The following ZNF782 variants were observed in gnomAD, a reference collection of about 807,000 sequenced individuals.
ZNF782 encodes zinc finger protein 782.
Under a neutral mutation model 13.0 loss-of-function variants are expected in ZNF782, and 12 were observed. The observed-to-expected ratio is 0.92, with a 90% CI of 0.59 to 1.50. The LOEUF (loss-of-function observed/expected upper bound fraction) is 1.50, where lower values mean the gene tolerates loss of function less well. Ranked by LOEUF, ZNF782 falls within the 40% of genes most tolerant of loss-of-function variation. The pLI is 0.00. For missense variants in ZNF782, 770 were observed against 822.9 expected, an observed-to-expected ratio of 0.94 and a Z score of 0.79; for synonymous variants, 284 against 283.0, an observed-to-expected ratio of 1.00 and a Z score of -0.04.
chr9:96,858,103 G>GTAGCTTCACCC (rs1470066838), upstream of ZNF782, among the ~76,000 whole-genome samples: 13 of 152,166 alleles, frequency 8.5e-5, no homozygotes, highest in Non-Finnish European at 1.9e-4. The surrounding 1 kb of genome is among the most constrained non-coding windows in gnomAD (Gnocchi z 4.4). Context: ...CCTCTAGACT[G>GTAGCTTCACCC]TGAAAAATGT....
intron 1 of ZNF782, among the ~76,000 whole-genome samples, chr9:96,873,711 A>G (rs568651047): frequency 6.6e-6 from 1 of 152,220 alleles, no homozygotes; most frequent in Non-Finnish European, 1.5e-5. Context: ...CACACACACA[A>G]AAGAGTAAGT....
upstream of ZNF782, among the ~76,000 whole-genome samples, chr9:96,858,486 C>G (rs1851670002): frequency 6.6e-6 from 1 of 152,158 alleles, no homozygotes; most frequent in South Asian, 2.1e-4. The surrounding 1 kb of genome is among the most constrained non-coding windows in gnomAD (Gnocchi z 4.4). Flanking sequence ...GAAACATGAG[C>G]TTCATGGGGT....
chr9:96,929,075 G>C, the ZNF782 span: 24 of 1,610,926 alleles, frequency 1.5e-5, no homozygotes, highest in East Asian at 5.2e-4. Flanking sequence ...ATCCTAGTCT[G>C]CCTTGCCTCA....
At chr9:96,826,035 C>A (rs1411478767) in intron 5 of ZNF782, among the ~76,000 whole-genome samples, 1 of 152,166 alleles carries the variant, frequency 6.6e-6, no homozygotes, top group Non-Finnish European at 1.5e-5. Flanking sequence ...TTGAGCCAGC[C>A]ATCCCATTAC....
chr9:96,933,195 C>G, the ZNF782 span, among the ~76,000 whole-genome samples: 389 of 148,048 alleles, frequency 2.6e-3, 1 homozygote, highest in East Asian at 8.7e-3. Flanking sequence ...AGCCAGGATG[C>G]TCTCAATCTC....
the ZNF782 span, among the ~76,000 whole-genome samples, chr9:96,886,650 T>C: frequency 1.3e-5 from 2 of 152,032 alleles, no homozygotes; most frequent in African/African-American, 4.8e-5. Flanking sequence ...AGCCTGGGCA[T>C]GGTGGCTCAT....
the ZNF782 span, among the ~76,000 whole-genome samples, chr9:96,905,165 A>G: frequency 1.4e-4 from 19 of 133,318 alleles, no homozygotes; most frequent in Admixed American, 1.2e-3. Flanking sequence ...TCTGAGTCAC[A>G]GGATGAGATA....
chr9:96,822,386 T>G lies in ZNF782; in HGVS notation c.245-2608A>C, dbSNP rs543940594. Among the ~76,000 whole-genome samples, 5 of 152,364 alleles carry G rather than the reference T, an allele frequency of 3.3e-5. 1 individual carries two copies. The highest frequency in any genetic ancestry group is 1.2e-4 in the African/African-American group (5 of 41,586). ...TCCAGGTGGGAATGGAGCACATTCA[T>G]AGCTATGTGCTCTCTGGCACAGTGT... On this transcript the variant is annotated intron_variant, in intron 5 of 5. Transcript: ENST00000481138.
At chr9:96,877,326 C>T (rs1851905691), upstream of ZNF782, among the ~76,000 whole-genome samples, 1 of 152,196 alleles carries the variant, frequency 6.6e-6, no homozygotes, top group Non-Finnish European at 1.5e-5. Flanking sequence ...AAGGAACACC[C>T]CCAGATGCCG....
the ZNF782 span, among the ~76,000 whole-genome samples, chr9:96,883,434 A>C: frequency 6.6e-6 from 1 of 151,990 alleles, no homozygotes; most frequent in East Asian, 1.9e-4. Context: ...CTTTTAGGGC[A>C]GGGACCTACA....
the ZNF782 span, chr9:96,931,646 G>T: frequency 6.4e-7 from 1 of 1,556,046 alleles, no homozygotes; most frequent in Non-Finnish European, 8.7e-7. Context: ...CAGCTGTTGG[G>T]ACTCCCCTGA....
rs1487254933 is a variant in ZNF782 at position 96,817,839 on chromosome 9, C to T, written c.*84G>A. 3 of 1,216,890 alleles carry T rather than the reference C, an allele frequency of 2.5e-6. No homozygotes were observed. In the African/African-American group the frequency reaches 4.6e-5, roughly 19 times the overall value. The allele number at this position is 1,216,890 out of a possible 1,614,324, so 75.4% of individuals were successfully genotyped here. A position where few individuals can be genotyped will look rare whatever the true frequency, so the allele number is the denominator to read the frequency against. On this transcript the variant is annotated 3_prime_UTR_variant, in exon 6 of 6. Coordinates refer to ENST00000481138, the MANE Select transcript of ZNF782 (RefSeq NM_001001662.3). ...GAAATTCCAGTGCTCACTATGTTAA[C>T]AGTTCTCTCCTGTGTGTTCATTTAT...
rs1850293967 is a variant in ZNF782, at chr9:96,818,883, G to A, written c.1140C>T (p.His380=). 1.2e-6 allele frequency: 2 copies of A among 1,614,098 alleles called. No homozygotes were observed. The highest frequency in any genetic ancestry group is 2.7e-5 in the African/African-American group (2 of 74,946). The change falls in exon 6 of 6, where the codon CAC becomes CAT. Residue 380 remains histidine (H), a synonymous_variant. Coordinates refer to ENST00000481138, the MANE Select transcript of ZNF782 (RefSeq NM_001001662.3). ...TGTGACTTTTCTGAGGCCAAATCAAGTGTGAATTCATAGAGCAGGATTTCC... is the reference window on the plus strand; with the variant it reads ...TGTGACTTTTCTGAGGCCAAATCAAATGTGAATTCATAGAGCAGGATTTCC... The part of the protein sequence containing the change: ...ECGKSCSMNS[H]LIWPQKSHTG...
At chr9:96,925,339 T>G in the ZNF782 span, among the ~76,000 whole-genome samples, 15 of 151,664 alleles carry the variant, frequency 9.9e-5, no homozygotes, top group Admixed American at 9.2e-4. Context: ...CCGTCCCTCC[T>G]AGAAACGAGA....
In ZNF782 at chr9:96,819,668, C is replaced by T. The variant is rs374226188; in HGVS notation, c.355G>A (p.Gly119Arg). The T allele has an allele frequency of 5.6e-6, 9 of 1,613,798 alleles. No individual in the cohort carries two copies. The African/African-American group carries it at 1.2e-4, about 22-fold the overall frequency. ...KLLTTEQEIS[G>R]KPHNRDINIF... is the part of the protein sequence containing the mutation. ...TTTATGTCTCGATTATGTGGTTTTCCTGAAATTTCTTGCTCTGTAGTCAAT... is the reference window on the plus strand; with the variant it reads ...TTTATGTCTCGATTATGTGGTTTTCTTGAAATTTCTTGCTCTGTAGTCAAT... The change falls in exon 6 of 6, where the codon GGA becomes AGA. Residue 119 changes from glycine (G) to arginine (R), a missense_variant. Physicochemically the swap from Gly to Arg is moderately radical, Grantham distance 125. Coordinates refer to ENST00000481138, the MANE Select transcript of ZNF782 (RefSeq NM_001001662.3).
intron 4 of ZNF782, among the ~76,000 whole-genome samples, chr9:96,828,921 T>C (rs1343187615): frequency 1.3e-5 from 2 of 151,946 alleles, no homozygotes; most frequent in Non-Finnish European, 2.9e-5. Context: ...AAATTTTATG[T>C]AGACAGAAAA....
chr9:96,929,141 T>C, the ZNF782 span: 69 of 1,576,744 alleles, frequency 4.4e-5, no homozygotes, highest in African/African-American at 8.6e-4. Flanking sequence ...AGGGCTGATG[T>C]TGAGGGAGCA....
At chr9:96,821,845 T>C (rs968173825) in intron 5 of ZNF782, among the ~76,000 whole-genome samples, 20 of 152,178 alleles carry the variant, frequency 1.3e-4, no homozygotes, top group Middle Eastern at 3.4e-3. Flanking sequence ...TTTGTGTTTT[T>C]AGTAGAGATG....
At chr9:96,852,124 C>G (rs1851507431) in intron 2 of ZNF782, 119 bp from the exon 3 acceptor site, 1 of 642,614 alleles carries the variant, frequency 1.6e-6, no homozygotes, top group African/African-American at 1.8e-5. Flanking sequence ...CAGGGCCCTT[C>G]AGGCCTTGAA....
Sources: gnomAD v4.1 joint callset for allele counts (sites outside exome capture counted in the v4.1 genomes callset) on GRCh38, gnomAD v4.1.1 for gene constraint, Gnocchi (gnomAD v3.1) non-coding constraint, MANE v1.5 for transcripts, NCBI Gene and HGNC (gene_info 2026-07-23, HGNC 2026-07-21) for gene names.